The following TGFB2 variants were observed in gnomAD, a reference collection of about 807,000 sequenced individuals.
The protein encoded by TGFB2 is transforming growth factor beta 2.
In TGFB2, 13 loss-of-function variants were observed where a neutral mutation model predicts 42.7. The observed-to-expected ratio is 0.30, with a 90% CI of 0.20 to 0.48. The LOEUF (loss-of-function observed/expected upper bound fraction) is 0.48. TGFB2 is among the 20% of genes least tolerant of loss of function. The pLI is 0.99. For missense variants in TGFB2, 390 were observed against 517.5 expected (o/e 0.75, Z 2.39); for synonymous variants, 193 against 193.6 (o/e 1.00, Z 0.03).
chr1:218,383,537 G>T (rs10482756), intron 1 of TGFB2, among the ~76,000 whole-genome samples: 1 of 152,104 alleles, frequency 6.6e-6, no homozygotes, highest in Non-Finnish European at 1.5e-5. Context: ...TATGTGGGGG[G>T]TGTGGGGGAG....
chr1:218,363,422 G>C, intron 1 of TGFB2: 1 of 1,612,612 alleles, frequency 6.2e-7, no homozygotes, highest in Non-Finnish European at 8.5e-7. Flanking sequence ...ACCTTGGTGA[G>C]TACACTTGTC....
chr1:218,351,706 G>A (rs1398482233), intron 1 of TGFB2, among the ~76,000 whole-genome samples: 1 of 152,288 alleles, frequency 6.6e-6, no homozygotes, highest in African/African-American at 2.4e-5. Context: ...CCTCACAGAA[G>A]GAAGGGGTTG....
chr1:218,384,097 T>A (rs1658052349), intron 1 of TGFB2, among the ~76,000 whole-genome samples: 1 of 149,764 alleles, frequency 6.7e-6, no homozygotes, highest in Admixed American at 6.8e-5. Flanking sequence ...CCTCTCCTCT[T>A]CTAGAACATC....
intron 1 of TGFB2, among the ~76,000 whole-genome samples, chr1:218,375,335 G>A (rs1657704799): frequency 6.6e-6 from 1 of 151,156 alleles, no homozygotes. Flanking sequence ...AGAAAATATA[G>A]GATTTGCATA....
In TGFB2 at chr1:218,380,665, A is replaced by G. The variant is rs1227043504; in HGVS notation, c.347-24504A>G. Among the ~76,000 whole-genome samples, 4 of 152,084 alleles carry G rather than the reference A, an allele frequency of 2.6e-5. No homozygotes were observed. In the East Asian group the frequency reaches 7.7e-4, roughly 29 times the overall value. ...AGACCTGTTACCTTGTAAGTGTAAT[A>G]TTTACCAGATTTTTGCTTCATCTGG... On this transcript the variant is annotated intron_variant, in intron 1 of 6. Coordinates refer to ENST00000366930, the MANE Select transcript of TGFB2 (RefSeq NM_003238.6).
At chr1:218,440,490 C>T (rs999124268) in intron 6 of TGFB2, among the ~76,000 whole-genome samples, 1 of 152,046 alleles carries the variant, frequency 6.6e-6, no homozygotes, top group African/African-American at 2.4e-5. Flanking sequence ...TCCTGAACTC[C>T]TACACTCAAG....
intron 6 of TGFB2, among the ~76,000 whole-genome samples, chr1:218,439,565 G>A (rs776316049): frequency 7.2e-5 from 11 of 151,956 alleles, no homozygotes; most frequent in Admixed American, 3.3e-4. Flanking sequence ...TGACAAATAC[G>A]GCTCCTCTTC....
chr1:218,397,319 T>C (rs1658553479), intron 1 of TGFB2, among the ~76,000 whole-genome samples: 1 of 150,108 alleles, frequency 6.7e-6, no homozygotes, highest in Admixed American at 6.6e-5. Context: ...ATCCCAGCAC[T>C]TTGGGAGGCT....
In TGFB2 at chr1:218,345,480, G is replaced by C. The variant is rs1039081763; in HGVS notation, c.-1222G>C. ...GAGCGCAAGTGAAAGAGGCAGGGGAGGGGGATGGAGAATATTAGCCTGACG... is the reference window on the plus strand; with the variant it reads ...GAGCGCAAGTGAAAGAGGCAGGGGACGGGGATGGAGAATATTAGCCTGACG... On this transcript the variant is annotated 5_prime_UTR_variant, in exon 1 of 7. Coordinates refer to ENST00000366930, the MANE Select transcript of TGFB2 (RefSeq NM_003238.6). 1 of 153,072 alleles carries C rather than the reference G, an allele frequency of 6.5e-6. No homozygotes were observed. The highest frequency in any genetic ancestry group is 1.5e-5 in the Non-Finnish European group (1 of 68,726). 9.5% of individuals were successfully genotyped at this position (153,072 alleles called of 1,614,324 possible).
intron 1 of TGFB2, among the ~76,000 whole-genome samples, chr1:218,390,909 C>T: frequency 6.6e-6 from 1 of 152,152 alleles, no homozygotes; most frequent in South Asian, 2.1e-4. Flanking sequence ...ATACATCTAC[C>T]AACCCTAAGA....
At chr1:218,419,662 G>A (rs1260274332) in intron 2 of TGFB2, among the ~76,000 whole-genome samples, 2 of 152,154 alleles carry the variant, frequency 1.3e-5, no homozygotes, top group African/African-American at 4.8e-5. Flanking sequence ...AACTTATAAA[G>A]GGGATTCTGT....
intron 5 of TGFB2, among the ~76,000 whole-genome samples, chr1:218,436,912 C>T (rs1418553): frequency 0.38 from 57,102 of 152,024 alleles, 11,638 homozygotes; most frequent in East Asian, 0.72. Flanking sequence ...CAAAGGAAAA[C>T]GCCTTAGATG....
chr1:218,417,097 G>T (rs940435921), intron 2 of TGFB2, among the ~76,000 whole-genome samples: 7 of 152,192 alleles, frequency 4.6e-5, no homozygotes, highest in Non-Finnish European at 1.0e-4. Flanking sequence ...CCAAAATGTG[G>T]AAGCAACTTT....
At chr1:218,388,635 G>T (rs910291002) in intron 1 of TGFB2, among the ~76,000 whole-genome samples, 1 of 152,178 alleles carries the variant, frequency 6.6e-6, no homozygotes, top group Non-Finnish European at 1.5e-5. Flanking sequence ...GTCACCGTAT[G>T]TCGGGAGCCG....
chr1:218,443,648 T>C lies in TGFB2; in HGVS notation c.*2286T>C, dbSNP rs551500171. On this transcript the variant is annotated 3_prime_UTR_variant, in exon 7 of 7. Coordinates refer to ENST00000366930, the MANE Select transcript of TGFB2 (RefSeq NM_003238.6). ...TGACATTTTGTTTTGTATTATTTTGTCTTTCCTCATGAATGCACTGATAAT... is the reference window on the plus strand; with the variant it reads ...TGACATTTTGTTTTGTATTATTTTGCCTTTCCTCATGAATGCACTGATAAT... The C allele has an allele frequency of 6.6e-6, 1 of 152,264 alleles. No homozygotes were observed. Among genetic ancestry groups the C allele is most frequent in the Non-Finnish European group, 1.5e-5 (1 of 68,018 alleles). The allele number at this position is 152,264 out of a possible 1,614,324, so 9.4% of individuals were successfully genotyped here.
At chr1:218,431,055 T>C (rs1659791577) in intron 2 of TGFB2, among the ~76,000 whole-genome samples, 6 of 152,234 alleles carry the variant, frequency 3.9e-5, no homozygotes, top group Admixed American at 3.9e-4. Context: ...AAGAACTCTT[T>C]GGCCATGAAG....
intron 1 of TGFB2, among the ~76,000 whole-genome samples, chr1:218,385,758 C>A (rs1441806505): frequency 1.3e-5 from 2 of 152,216 alleles, no homozygotes; most frequent in African/African-American, 4.8e-5. Context: ...TGGCTCCTTT[C>A]CCATCTTTCC....
intron 2 of TGFB2, among the ~76,000 whole-genome samples, chr1:218,410,561 T>C (rs756765106): frequency 2.6e-5 from 4 of 152,208 alleles, no homozygotes. Flanking sequence ...GCTTCCCATG[T>C]ATACCAATAA....
At chr1:218,350,140 G>T (rs940612633) in intron 1 of TGFB2, among the ~76,000 whole-genome samples, 15 of 152,202 alleles carry the variant, frequency 9.9e-5, no homozygotes, top group African/African-American at 3.4e-4. Context: ...GTTATACACA[G>T]GAAGAATTCA....
Sources: allele counts gnomAD v4.1 joint callset (sites outside exome capture counted in the v4.1 genomes callset), GRCh38; gene constraint gnomAD v4.1.1; transcripts MANE v1.5; gene names NCBI Gene and HGNC (gene_info 2026-07-23, HGNC 2026-07-21).